Variants in FAT3 observed in about 807,000 individuals in gnomAD.
FAT3 encodes protocadherin Fat 3.
Under a neutral mutation model 310.2 loss-of-function variants are expected in FAT3, and 95 were observed. The ratio of observed to expected loss-of-function variants is 0.31; its 90% CI spans 0.26 to 0.36. The LOEUF is 0.36. FAT3 is among the 10% of genes least tolerant of loss of function. FAT3 has a pLI of 1.00. For synonymous variants in FAT3, 2,314 were observed against 2,192.9 expected, an observed-to-expected ratio of 1.06 and a Z score of -1.54; for missense variants, 5,408 against 5,715.6, an observed-to-expected ratio of 0.95 and a Z score of 1.74.
intron 2 of FAT3, among the ~76,000 whole-genome samples, chr11:92,442,105 A>ATTTTTTTTTTTTTTT (rs1565320166): frequency 1.5e-4 from 3 of 20,358 alleles, no homozygotes; most frequent in African/African-American, 5.1e-4. Flanking sequence ...ATATATATAT[A>ATTTTTTTTTTTTTTT]TATATATTTT....
chr11:92,882,580 C>A (rs1949692593), intron 23 of FAT3, among the ~76,000 whole-genome samples, 158 bp from the exon 24 acceptor site: 1 of 89,502 alleles, frequency 1.1e-5, no homozygotes, highest in Admixed American at 1.1e-4. Context: ...TAAATTAACT[C>A]CCCCTCCCCC....
At chr11:92,842,490 A>T (rs188353511) in intron 18 of FAT3, among the ~76,000 whole-genome samples, 1 of 152,342 alleles carries the variant, frequency 6.6e-6, no homozygotes, top group East Asian at 1.9e-4. Context: ...CTCATCTGCT[A>T]AAGTTATATC....
chr11:92,357,767 A>G (rs115878254), intron 2 of FAT3, among the ~76,000 whole-genome samples: 1 of 152,206 alleles, frequency 6.6e-6, no homozygotes, highest in African/African-American at 2.4e-5. Flanking sequence ...TTAGTGGCCT[A>G]GATTTTCCCA....
rs148291678 is a variant in FAT3, at chr11:92,818,272, A to G, written c.9481+8196A>G. On this transcript the variant is annotated intron_variant, in intron 13 of 27. Transcript: ENST00000525166. ...TATAAGGGACTTTACTAAATATACTACCTTTGCACTGTGCCTCAAAAGCAA... is the reference window on the plus strand; with the variant it reads ...TATAAGGGACTTTACTAAATATACTGCCTTTGCACTGTGCCTCAAAAGCAA... Among the ~76,000 whole-genome samples, 418 of 151,812 alleles carry G rather than the reference A, an allele frequency of 2.8e-3. 2 individuals carry two copies. Among genetic ancestry groups the G allele is most frequent in the African/African-American group, 9.7e-3 (401 of 41,388 alleles).
chr11:92,630,584 C>T (rs180921784), intron 3 of FAT3, among the ~76,000 whole-genome samples: 5 of 152,308 alleles, frequency 3.3e-5, no homozygotes, highest in East Asian at 1.9e-4. Context: ...TTTCCCCCAA[C>T]GGAGATCCCA....
intron 1 of FAT3, among the ~76,000 whole-genome samples, chr11:92,297,861 G>T (rs554398220): frequency 6.6e-6 from 1 of 152,064 alleles, no homozygotes. Context: ...ATCTTAAATT[G>T]TCCACAATCT....
chr11:92,844,995 AC>A (rs1322979544), intron 19 of FAT3, among the ~76,000 whole-genome samples: 1 of 152,180 alleles, frequency 6.6e-6, no homozygotes, highest in East Asian at 1.9e-4. Flanking sequence ...CCTGTGGAGG[AC>A]CCAGCCGATA....
intron 2 of FAT3, among the ~76,000 whole-genome samples, chr11:92,520,503 A>C (rs1032651795): frequency 2.6e-5 from 4 of 152,094 alleles, no homozygotes; most frequent in Non-Finnish European, 2.9e-5. Context: ...TTTTTAAAAA[A>C]AGTAATAAAG....
Position 92,562,367 on chromosome 11 carries a change from A to G in FAT3, c.3607+37419A>G, listed in dbSNP as rs76743006. On this transcript the variant is annotated intron_variant, in intron 3 of 27. Coordinates refer to ENST00000525166, the MANE Select transcript of FAT3 (RefSeq NM_001367949.2). Reference sequence around the variant, plus strand: ...TTCTCACGTATTTTCCCTTGCATATAGAAGGCCAAGATAAATACGTACGGA... The same window carrying G: ...TTCTCACGTATTTTCCCTTGCATATGGAAGGCCAAGATAAATACGTACGGA... 9.5e-3 allele frequency among the ~76,000 whole-genome samples: 1,453 copies of G among 152,240 alleles called. 72 individuals are homozygous for G. The East Asian group carries it at 0.15, about 16-fold the overall frequency.
intron 3 of FAT3, among the ~76,000 whole-genome samples, chr11:92,575,481 T>C (rs186224009): frequency 1.3e-5 from 2 of 152,338 alleles, no homozygotes; most frequent in African/African-American, 4.8e-5. Flanking sequence ...TCAACTTCAT[T>C]ATCTAAGTAC....
chr11:92,675,658 T>C (rs1943263919), intron 3 of FAT3, among the ~76,000 whole-genome samples: 1 of 152,204 alleles, frequency 6.6e-6, no homozygotes, highest in Admixed American at 6.5e-5. Flanking sequence ...CTTAGGTTAT[T>C]TGTCCAATTC....
intron 3 of FAT3, among the ~76,000 whole-genome samples, chr11:92,623,148 T>A (rs1941162314): frequency 6.8e-6 from 1 of 147,700 alleles, no homozygotes; most frequent in Non-Finnish European, 1.5e-5. Flanking sequence ...CTTTCTATCA[T>A]GCTGACCTGC....
rs191195112 is a variant in FAT3, at chr11:92,799,388, T to G, written c.6375T>G (p.Asp2125Glu). The G allele has an allele frequency of 5.0e-6, 8 of 1,613,792 alleles. No individual in the cohort carries two copies. The East Asian group carries it at 1.6e-4, about 31-fold the overall frequency. ...PNGEVTYVLQ[D>E]DYGHFEINPN... The stretch of plus-strand genomic sequence containing the variant: ...GAGAAGTGACCTATGTCCTGCAGGA[T>G]GACTATGGCCACTTTGAAATTAACC... The change falls in exon 10 of 28, where the codon GAT becomes GAG. Residue 2125 changes from aspartate (D) to glutamate (E), a missense_variant. This residue lies in a region of FAT3 where 4,588 missense variants were observed against 4,809.8 expected (regional missense o/e 0.95). Transcript: ENST00000525166.
chr11:92,701,709 G>A (rs1369106179), intron 4 of FAT3, among the ~76,000 whole-genome samples: 1 of 152,184 alleles, frequency 6.6e-6, no homozygotes, highest in Admixed American at 6.5e-5. Flanking sequence ...GATGCCAAGA[G>A]TTGATAATGG....
At chr11:92,380,071 T>TTGTG (rs1352263091) in intron 2 of FAT3, among the ~76,000 whole-genome samples, 1 of 85,108 alleles carries the variant, frequency 1.2e-5, no homozygotes, top group African/African-American at 3.6e-5. Flanking sequence ...GCAAACTGAT[T>TTGTG]CGTGTGTGTG....
chr11:92,834,341 G>T (rs528375300), intron 14 of FAT3, among the ~76,000 whole-genome samples: 1 of 152,204 alleles, frequency 6.6e-6, no homozygotes, highest in Non-Finnish European at 1.5e-5. Flanking sequence ...TGAGATTTCT[G>T]AGATCTTTGC....
chr11:92,771,569 C>T (rs937385848), intron 6 of FAT3, among the ~76,000 whole-genome samples: 5 of 151,898 alleles, frequency 3.3e-5, no homozygotes, highest in African/African-American at 1.2e-4. Flanking sequence ...AATGAGTGTC[C>T]GAGGCTGCTA....
At chr11:92,383,797 C>T (rs537438772) in intron 2 of FAT3, among the ~76,000 whole-genome samples, 3 of 152,100 alleles carry the variant, frequency 2.0e-5, no homozygotes, top group African/African-American at 7.2e-5. Context: ...CCTGATGTAC[C>T]AGTTCAGCAA....
chr11:92,784,229 A>C (rs900159794), intron 7 of FAT3, among the ~76,000 whole-genome samples: 2 of 152,270 alleles, frequency 1.3e-5, no homozygotes, highest in Non-Finnish European at 2.9e-5. Context: ...ATACAGATTT[A>C]TAAACTGTAA....
Sources: gnomAD v4.1 joint callset for allele counts (sites outside exome capture counted in the v4.1 genomes callset) on GRCh38, gnomAD v4.1.1 for gene constraint, gnomAD v4.1.1 regional missense constraint, MANE v1.5 for transcripts, NCBI Gene and HGNC (gene_info 2026-07-23, HGNC 2026-07-21) for gene names.